The following OAS1 variants were observed in gnomAD, a reference collection of about 807,000 sequenced individuals.
OAS1 encodes the protein 2'-5'-oligoadenylate synthase 1.
Under a neutral mutation model 38.5 loss-of-function variants are expected in OAS1, and 24 were observed. That is an observed-to-expected ratio of 0.62 (90% CI 0.45 to 0.88). OAS1 has a LOEUF of 0.88. Among genes scored for constraint, OAS1 ranks in the 40% least tolerant of loss-of-function variants. The pLI is 0.00. For missense variants in OAS1, 482 were observed against 493.9 expected, an observed-to-expected ratio of 0.98 and a Z score of 0.23; for synonymous variants, 169 against 193.9, an observed-to-expected ratio of 0.87 and a Z score of 1.07.
At chr12:112,922,071 G>A (rs1465780514), downstream of OAS1, among the ~76,000 whole-genome samples, 1 of 152,178 alleles carries the variant, frequency 6.6e-6, no homozygotes, top group Non-Finnish European at 1.5e-5. Flanking sequence ...GACAGAATCT[G>A]ATGACGCTTT....
chr12:112,918,037 C>T, intron 5 of OAS1: 2 of 854,392 alleles, frequency 2.3e-6, no homozygotes, highest in Non-Finnish European at 3.1e-6. Flanking sequence ...TCCCATGAGG[C>T]ATTTTTAAAA....
intron 6 of OAS1, among the ~76,000 whole-genome samples, chr12:112,929,645 A>G (rs2043585484): frequency 6.6e-6 from 1 of 152,188 alleles, no homozygotes; most frequent in South Asian, 2.1e-4. Flanking sequence ...GGTGCTATTA[A>G]CATCTTTATT....
chr12:112,930,176 C>T (rs1015351267), intron 6 of OAS1, among the ~76,000 whole-genome samples: 1 of 152,180 alleles, frequency 6.6e-6, no homozygotes, highest in Admixed American at 6.5e-5. Context: ...GATATGCCTG[C>T]TCCCCCTTTG....
Position 112,908,642 on chromosome 12 carries a change from G to T in OAS1, c.287G>T (p.Gly96Val), listed in dbSNP as rs1248137897. 2 of 1,614,208 alleles carry T rather than the reference G, an allele frequency of 1.2e-6. No homozygotes were observed. The highest frequency in any genetic ancestry group is 4.5e-5 in the East Asian group (2 of 44,882). Reference protein sequence around the residue: ...TTFQDQLNRRGEFIQEIRRQL... With the variant: ...TTFQDQLNRRVEFIQEIRRQL... ...TTTCAGGATCAGTTAAATCGCCGGG[G>T]AGAGTTCATCCAGGAAATTAGGAGA... The change falls in exon 2 of 6, where the codon GGA becomes GTA. Residue 96 changes from glycine to valine, a missense_variant. Gly to Val is a moderately radical substitution (Grantham distance 109). Coordinates refer to ENST00000202917, the MANE Select transcript of OAS1 (RefSeq NM_016816.4).
intron 1 of OAS1, 101 bp from the exon 2 acceptor site, chr12:112,908,435 C>G: frequency 9.0e-7 from 1 of 1,115,832 alleles, no homozygotes; most frequent in Non-Finnish European, 1.3e-6. Flanking sequence ...GCCTTCAGAA[C>G]AGTGGCTAGT....
chr12:112,916,443 G>C, intron 3 of OAS1, 66 bp from the exon 4 acceptor site: 1 of 1,237,168 alleles, frequency 8.1e-7, no homozygotes, highest in Non-Finnish European at 1.2e-6. Context: ...TTTGGCCCAT[G>C]AGAAGTGTAG....
intron 3 of OAS1, among the ~76,000 whole-genome samples, chr12:112,911,789 T>A (rs772103144): frequency 3.3e-5 from 5 of 152,176 alleles, no homozygotes; most frequent in Non-Finnish European, 5.9e-5. Flanking sequence ...ATGTAGCATA[T>A]TTTAGCCACC....
At chr12:112,914,588 A>T (rs2043427869) in intron 3 of OAS1, among the ~76,000 whole-genome samples, 1 of 152,188 alleles carries the variant, frequency 6.6e-6, no homozygotes, top group Admixed American at 6.5e-5. Flanking sequence ...TTTTCACCAC[A>T]TCCACACCAA....
At chr12:112,914,032 C>T (rs921143720) in intron 3 of OAS1, among the ~76,000 whole-genome samples, 4 of 152,040 alleles carry the variant, frequency 2.6e-5, no homozygotes, top group Admixed American at 6.5e-5. Flanking sequence ...TTGGTGCACC[C>T]ATCACCCAAA....
intron 5 of OAS1, chr12:112,917,957 T>G: frequency 7.1e-7 from 1 of 1,403,402 alleles, no homozygotes; most frequent in Non-Finnish European, 9.3e-7. Flanking sequence ...ATTTATTGAC[T>G]GTCTGCTTCG....
rs182591758 is a variant in OAS1 at position 112,919,705 on chromosome 12, C to G, written c.*152C>G. The G allele has an allele frequency of 1.6e-5, 25 of 1,535,570 alleles. No homozygotes were observed. The Middle Eastern group carries it at 6.8e-4, about 42-fold the overall frequency. ...CCCAGGTCTCCTGACTCCTGGCCTT[C>G]TATGCCCTCTATCCTATCATAGATA... On this transcript the variant is annotated 3_prime_UTR_variant, in exon 6 of 6. Transcript: ENST00000202917.
intron 3 of OAS1, among the ~76,000 whole-genome samples, chr12:112,913,157 T>C (rs915358899): frequency 3.6e-4 from 55 of 152,198 alleles, no homozygotes; most frequent in African/African-American, 1.3e-3. Flanking sequence ...TGCTGGGTGG[T>C]CATTTCAGTA....
intron 6 of OAS1, among the ~76,000 whole-genome samples, chr12:112,929,603 C>G (rs2136334620): frequency 6.6e-6 from 1 of 152,250 alleles, no homozygotes; most frequent in East Asian, 1.9e-4. Flanking sequence ...AAATGTTAAC[C>G]CATTTAATCC....
At chr12:112,921,750 T>C (rs374488192), downstream of OAS1, among the ~76,000 whole-genome samples, 1 of 152,164 alleles carries the variant, frequency 6.6e-6, no homozygotes, top group African/African-American at 2.4e-5. Flanking sequence ...TAGGACTTAA[T>C]AAAAGGGTGC....
intron 6 of OAS1, among the ~76,000 whole-genome samples, chr12:112,925,131 G>A (rs1178175150): frequency 2.0e-5 from 3 of 152,212 alleles, no homozygotes; most frequent in Admixed American, 2.0e-4. Context: ...ACAGCTGGAA[G>A]TGTTCAAAAT....
downstream of OAS1, among the ~76,000 whole-genome samples, chr12:112,922,704 C>A (rs1251725730): frequency 3.3e-5 from 5 of 152,222 alleles, no homozygotes; most frequent in Non-Finnish European, 5.9e-5. Flanking sequence ...TCCAGACTTA[C>A]ATAGTAAACA....
At chr12:112,930,813 G>A (rs1378516160) in intron 6 of OAS1, among the ~76,000 whole-genome samples, 1 of 152,224 alleles carries the variant, frequency 6.6e-6, no homozygotes, top group Non-Finnish European at 1.5e-5. Flanking sequence ...CAAATGTTAC[G>A]CTCCCCTGGG....
intron 3 of OAS1, among the ~76,000 whole-genome samples, chr12:112,913,076 G>C (rs543452198): frequency 6.6e-6 from 1 of 152,082 alleles, no homozygotes; most frequent in Admixed American, 6.5e-5. Context: ...TGGTCTATTG[G>C]TAGTAAACTC....
Position 112,908,623 on chromosome 12 carries a change from G to A in OAS1, c.268G>A (p.Asp90Asn). 5 of 1,614,184 alleles carry A rather than the reference G, an allele frequency of 3.1e-6. No individual in the cohort carries two copies. The highest frequency in any genetic ancestry group is 4.2e-6 in the Non-Finnish European group (5 of 1,180,040). The change falls in exon 2 of 6, where the codon GAT becomes AAT. Residue 90 changes from aspartate to asparagine, a missense_variant. By Grantham distance (23) the Asp-to-Asn change is conservative (BLOSUM62 1). Coordinates refer to ENST00000202917, the MANE Select transcript of OAS1 (RefSeq NM_016816.4). ...VFLSPLTTFQ[D>N]QLNRRGEFIQ... ...CCTCAGTCCTCTCACCACTTTTCAG[G>A]ATCAGTTAAATCGCCGGGGAGAGTT...
Sources: gnomAD v4.1 joint callset for allele counts (sites outside exome capture counted in the v4.1 genomes callset) on GRCh38, gnomAD v4.1.1 for gene constraint, MANE v1.5 for transcripts, NCBI Gene and HGNC (gene_info 2026-07-23, HGNC 2026-07-21) for gene names.